The following RBFOX3 variants were observed in gnomAD, a reference collection of about 807,000 sequenced individuals.
The protein encoded by RBFOX3 is RNA binding protein fox-1 homolog 3.
In RBFOX3, 17 loss-of-function variants were observed where a neutral mutation model predicts 48.7. The observed-to-expected ratio is 0.35, with a 90% CI of 0.24 to 0.52. The LOEUF (loss-of-function observed/expected upper bound fraction) is 0.52, where lower values mean the gene tolerates loss of function less well. Ranked by LOEUF, RBFOX3 falls within the 20% of genes least tolerant of loss-of-function variation. The probability of loss-of-function intolerance (pLI) is 0.94; values close to 1 mark genes in which losing one functional copy is unlikely to be tolerated. For synonymous variants in RBFOX3, 212 were observed against 209.5 expected (o/e 1.01, Z -0.10); for missense variants, 382 against 497.5 (o/e 0.77, Z 2.21).
intron 14 of RBFOX3, among the ~76,000 whole-genome samples, chr17:79,093,214 G>A (rs541447739): frequency 1.3e-4 from 20 of 152,310 alleles, no homozygotes; most frequent in African/African-American, 4.8e-4. Flanking sequence ...GGTCCTGGAT[G>A]CTCCAGCTCT....
At chr17:79,285,947 TGCTG>T (rs1328607269) in intron 3 of RBFOX3, among the ~76,000 whole-genome samples, 1 of 152,146 alleles carries the variant, frequency 6.6e-6, no homozygotes, top group East Asian at 1.9e-4. Context: ...CCTCCCAAAG[TGCTG>T]GGATTACAGG....
At chr17:79,367,496 A>C (rs1004345894) in intron 2 of RBFOX3, among the ~76,000 whole-genome samples, 2 of 152,014 alleles carry the variant, frequency 1.3e-5, no homozygotes, top group African/African-American at 2.4e-5. Flanking sequence ...AGCGATGAGC[A>C]CTCATGAGCT....
At chr17:79,500,248 G>A (rs993234472) in intron 1 of RBFOX3, among the ~76,000 whole-genome samples, 1 of 142,138 alleles carries the variant, frequency 7.0e-6, no homozygotes, top group Admixed American at 7.0e-5. Context: ...AAAGAGAAAT[G>A]ACTTTTTTTT....
intron 2 of RBFOX3, among the ~76,000 whole-genome samples, chr17:79,447,817 G>A (rs943837687): frequency 1.3e-5 from 2 of 152,180 alleles, no homozygotes; most frequent in Non-Finnish European, 2.9e-5. Context: ...GATATGGTTC[G>A]GCTCATGTCG....
At chr17:79,567,454 G>C (rs2092508355) in intron 1 of RBFOX3, among the ~76,000 whole-genome samples, 1 of 151,998 alleles carries the variant, frequency 6.6e-6, no homozygotes, top group Non-Finnish European at 1.5e-5. Flanking sequence ...CGAAGTGCTG[G>C]GATTACAGGC....
At chr17:79,592,168 G>T (rs2093439306) in intron 1 of RBFOX3, among the ~76,000 whole-genome samples, 1 of 150,676 alleles carries the variant, frequency 6.6e-6, no homozygotes. Flanking sequence ...GTGTGTGTCT[G>T]CAGGGTGTGG....
chr17:79,107,936 C>T (rs2077719359), intron 5 of RBFOX3, among the ~76,000 whole-genome samples: 1 of 152,224 alleles, frequency 6.6e-6, no homozygotes, highest in Non-Finnish European at 1.5e-5. Flanking sequence ...TTCTCACTGT[C>T]CACACTTCCT....
chr17:79,197,080 T>C (rs2055748121), intron 4 of RBFOX3, among the ~76,000 whole-genome samples: 1 of 152,116 alleles, frequency 6.6e-6, no homozygotes, highest in Admixed American at 6.5e-5. Flanking sequence ...TGCGTGTTGT[T>C]TTAAGGCTGT....
chr17:79,664,732 A>G, the RBFOX3 span, among the ~76,000 whole-genome samples: 2 of 151,950 alleles, frequency 1.3e-5, no homozygotes, highest in Admixed American at 1.3e-4. Context: ...GAACTCTTCC[A>G]TCTTCCCAAA....
chr17:79,314,556 T>C (rs1266300749), intron 2 of RBFOX3, among the ~76,000 whole-genome samples: 1 of 152,150 alleles, frequency 6.6e-6, no homozygotes, highest in East Asian at 1.9e-4. Context: ...AGCTGCACTT[T>C]GCAAACCACT....
chr17:79,395,738 A>G (rs2061909387), intron 2 of RBFOX3, among the ~76,000 whole-genome samples: 1 of 152,220 alleles, frequency 6.6e-6, no homozygotes, highest in Non-Finnish European at 1.5e-5. Context: ...GCCTTGCCCA[A>G]GGTCAACAAC....
intron 2 of RBFOX3, among the ~76,000 whole-genome samples, chr17:79,383,566 G>A (rs546357215): frequency 4.6e-5 from 7 of 152,310 alleles, no homozygotes; most frequent in South Asian, 2.1e-4. Flanking sequence ...GTACCCCCCC[G>A]ATGGCTGCCT....
intron 2 of RBFOX3, among the ~76,000 whole-genome samples, chr17:79,414,965 T>C (rs992149094): frequency 1.5e-4 from 23 of 152,184 alleles, no homozygotes; most frequent in African/African-American, 5.6e-4. Flanking sequence ...CTCCTGAGCC[T>C]CTGAGGTCCC....
At chr17:79,446,836 C>T (rs1284372485) in intron 2 of RBFOX3, among the ~76,000 whole-genome samples, 1 of 135,068 alleles carries the variant, frequency 7.4e-6, no homozygotes, top group Non-Finnish European at 1.7e-5. Flanking sequence ...GGGGCAGTCA[C>T]GGAGCTGCCA....
intron 2 of RBFOX3, among the ~76,000 whole-genome samples, chr17:79,380,124 C>T (rs2059713368): frequency 6.6e-6 from 1 of 151,952 alleles, no homozygotes; most frequent in Admixed American, 6.5e-5. Context: ...CCATCTTTCC[C>T]CCAACCCTCA....
chr17:79,554,427 C>CG (rs2091438250), intron 1 of RBFOX3, among the ~76,000 whole-genome samples: 2 of 71,138 alleles, frequency 2.8e-5, no homozygotes, highest in African/African-American at 6.8e-5. Context: ...AGTCACCCCT[C>CG]ACCTGGCCCT....
intron 2 of RBFOX3, among the ~76,000 whole-genome samples, chr17:79,417,496 G>A (rs1293913611): frequency 6.6e-6 from 1 of 152,228 alleles, no homozygotes; most frequent in Non-Finnish European, 1.5e-5. Context: ...ACCAGGCAGG[G>A]AAGAGTCCTG....
intron 1 of RBFOX3, among the ~76,000 whole-genome samples, chr17:79,511,229 T>C (rs2084138641): frequency 6.6e-6 from 1 of 152,164 alleles, no homozygotes; most frequent in African/African-American, 2.4e-5. Flanking sequence ...CAGGAGGTGT[T>C]TGCAGGGTTG....
At chr17:79,175,877 G>C (rs1403407973) in intron 4 of RBFOX3, among the ~76,000 whole-genome samples, 1 of 152,224 alleles carries the variant, frequency 6.6e-6, no homozygotes, top group East Asian at 1.9e-4. Flanking sequence ...CTTAGACACA[G>C]ACGCCCCGGC....
Sources: allele counts gnomAD v4.1 joint callset (sites outside exome capture counted in the v4.1 genomes callset), GRCh38; gene constraint gnomAD v4.1.1; transcripts MANE v1.5; gene names NCBI Gene and HGNC (gene_info 2026-07-23, HGNC 2026-07-21).